The following SYMPK variants were observed in gnomAD, a reference collection of about 807,000 sequenced individuals.
SYMPK encodes the protein symplekin.
In SYMPK, 49 loss-of-function variants were observed where a neutral mutation model predicts 136.4. The ratio of observed to expected loss-of-function variants is 0.36; its 90% CI spans 0.29 to 0.46. SYMPK has a LOEUF of 0.46. Ranked by LOEUF, SYMPK falls within the 20% of genes least tolerant of loss-of-function variation. The pLI is 1.00. For missense variants in SYMPK, 1,365 were observed against 1,690.0 expected, an observed-to-expected ratio of 0.81 and a Z score of 3.37; for synonymous variants, 766 against 713.0, an observed-to-expected ratio of 1.07 and a Z score of -1.19.
Position 45,848,736 on chromosome 19 carries a change from G to A in SYMPK, c.426+14C>T. ...ATCAGGCAGGATGGCCCTGGGTGGG[G>A]AGGGCGCTCTCACCTGCAGGGCCAC... On this transcript the variant is annotated intron_variant, in intron 6 of 26. Coordinates refer to ENST00000245934, the MANE Select transcript of SYMPK (RefSeq NM_004819.3). 6.2e-7 allele frequency: 1 copy of A among 1,613,170 alleles called. No homozygotes were observed. Among genetic ancestry groups the A allele is most frequent in the South Asian group, 1.1e-5 (1 of 91,038 alleles).
chr19:45,816,675 C>G (rs991883295), intron 24 of SYMPK, 98 bp from the exon 25 acceptor site: 1 of 1,548,412 alleles, frequency 6.5e-7, no homozygotes, highest in Non-Finnish European at 8.7e-7. Context: ...CCAGAACTCC[C>G]AGCAGTGCAG....
At chr19:45,820,219 A>G (rs1386701201) in intron 22 of SYMPK, 2 of 152,274 alleles carry the variant, frequency 1.3e-5, no homozygotes, top group African/African-American at 2.4e-5. Context: ...GTATGCAAAT[A>G]ATATGAGCAT....
chr19:45,816,762 TG>T (rs1190899072), intron 24 of SYMPK, 35 bp downstream of exon 24: 5 of 1,484,970 alleles, frequency 3.4e-6, no homozygotes, highest in African/African-American at 2.9e-5. Context: ...ACACCCTGGG[TG>T]GGGGGAAAGG....
At position 45,815,915 on chromosome 19, in the gene SYMPK, T is replaced by C. The variant is rs764853848; in HGVS notation, c.3623A>G (p.Asp1208Gly). The change falls in exon 26 of 27, where the codon GAT (aspartate) becomes GGT (glycine). Residue 1208 changes from aspartate (D) to glycine (G), a missense_variant. Asp to Gly is a moderately conservative substitution (Grantham distance 94, BLOSUM62 -1). Coordinates refer to ENST00000245934, the MANE Select transcript of SYMPK (RefSeq NM_004819.3). ...CETPGIFISM[D>G]DDSGLTEAAL... ...GGCCTCGGTCAGCCCCGAGTCGTCA[T>C]CCATGCTGATGAAGATGCCCGGGGT... is the stretch of plus-strand genomic sequence containing the variant. The C allele has an allele frequency of 4.3e-6, 7 of 1,612,160 alleles. No homozygotes were observed. Among genetic ancestry groups the C allele is most frequent in the Non-Finnish European group, 5.9e-6 (7 of 1,179,870 alleles).
chr19:45,842,243 C>T lies in SYMPK; in HGVS notation c.1087+7G>A. ...TCTGCCTGCCCCACCCCACCAGCCC[C>T]TCTCACCCAGCTTCATCTTCTTGAG... On this transcript the variant is annotated splice_region_variant and intron_variant, in intron 9 of 26. Coordinates refer to ENST00000245934, the MANE Select transcript of SYMPK (RefSeq NM_004819.3). The T allele has an allele frequency of 6.2e-7, 1 of 1,614,010 alleles. No individual in the cohort carries two copies. Among genetic ancestry groups the T allele is most frequent in the Non-Finnish European group, 8.5e-7 (1 of 1,179,862 alleles).
At chr19:45,860,459 A>C (rs1336628344) in intron 1 of SYMPK, among the ~76,000 whole-genome samples, 1 of 120,314 alleles carries the variant, frequency 8.3e-6, no homozygotes, top group Non-Finnish European at 1.7e-5. Flanking sequence ...ACTGCGTTTC[A>C]AATTAAAAAA....
At chr19:45,829,950 C>T in intron 13 of SYMPK, 104 bp downstream of exon 13, 1 of 1,361,734 alleles carries the variant, frequency 7.3e-7, no homozygotes, top group Non-Finnish European at 9.9e-7. Flanking sequence ...CTGGGGTCCG[C>T]AGCCAGGGAG....
intron 7 of SYMPK, among the ~76,000 whole-genome samples, chr19:45,846,415 T>G (rs79659320): frequency 0.14 from 21,732 of 152,164 alleles, 1,630 homozygotes; most frequent in South Asian, 0.18. Flanking sequence ...AGTTAATATT[T>G]ATGGAATGTT....
intron 1 of SYMPK, 90 bp from the exon 2 acceptor site, chr19:45,854,597 C>T (rs1479593697): frequency 9.8e-7 from 1 of 1,019,502 alleles, no homozygotes; most frequent in Non-Finnish European, 1.5e-6. Flanking sequence ...TACAAAGGGC[C>T]CAAGCCTCCT....
At chr19:45,842,783 G>A (rs965827164) in intron 8 of SYMPK, 4 of 381,628 alleles carry the variant, frequency 1.0e-5, no homozygotes, top group African/African-American at 2.1e-5. Flanking sequence ...GCTTCGCTTG[G>A]GGAGGGTTAT....
At chr19:45,816,404 G>A in intron 25 of SYMPK, 78 bp downstream of exon 25, 2 of 1,517,406 alleles carry the variant, frequency 1.3e-6, no homozygotes, top group Non-Finnish European at 1.8e-6. Flanking sequence ...GTCAGGAGGA[G>A]GCCATGGTGA....
chr19:45,830,208 T>C lies in SYMPK; in HGVS notation c.1599-4A>G. 6.2e-7 allele frequency: 1 copy of C among 1,609,140 alleles called. No homozygotes were observed. The highest frequency in any genetic ancestry group is 1.1e-5 in the South Asian group (1 of 90,142). On this transcript the variant is annotated splice_region_variant and splice_polypyrimidine_tract_variant and intron_variant, in intron 12 of 26. Transcript: ENST00000245934. ...GCGCCCACCAGCGCCTGCCAGCCTG[T>C]GTGGAAGAGCAGTGACAGAGATGCA...
In SYMPK at chr19:45,846,955, G is replaced by A. The variant is rs1011087327; in HGVS notation, c.676+797C>T. The stretch of plus-strand genomic sequence containing the variant: ...ATTACAGGTGCCCGCCACCATGCCC[G>A]GCTAATTTTTGTATTTTCAGTAGAT... On this transcript the variant is annotated intron_variant, in intron 7 of 26. Transcript: ENST00000245934. 1.3e-5 allele frequency among the ~76,000 whole-genome samples: 2 copies of A among 151,728 alleles called. 1 individual carries two copies. The highest frequency in any genetic ancestry group is 1.3e-4 in the Admixed American group (2 of 15,206).
intron 24 of SYMPK, 37 bp downstream of exon 24, chr19:45,816,761 G>GT (rs1568605426): frequency 6.7e-7 from 1 of 1,500,630 alleles, no homozygotes; most frequent in Non-Finnish European, 8.9e-7. Context: ...CACACCCTGG[G>GT]TGGGGGGAAA....
Position 45,842,381 on chromosome 19 carries a change from G to A in SYMPK, c.956C>T (p.Ala319Val). 6.2e-7 allele frequency: 1 copy of A among 1,614,182 alleles called. No individual in the cohort carries two copies. The highest frequency in any genetic ancestry group is 8.5e-7 in the Non-Finnish European group (1 of 1,180,040). Residue 319 changes from alanine (A) to valine (V), a missense_variant, in exon 9 of 27, where the codon GCC becomes GTC. Around this residue, in one of 11 missense-constraint regions of SYMPK, gnomAD observed 111 missense variants for 141.2 expected, o/e 0.79. Transcript: ENST00000245934. ...LKHPASLEFQ[A>V]QITTLLVDLG... is the part of the protein sequence containing the mutation. ...GTCCACCAGCAGGGTGGTGATCTGG[G>A]CCTGGAACTCCAAGGAAGCCGGGTG...
chr19:45,862,931 G>A lies in SYMPK; in HGVS notation c.-13+127C>T, dbSNP rs913573548. ...AGCCAAGGAAGGGTCCTGAGCAAGG[G>A]AAGAAACATGGGTCGCGAAAGCCAC... On this transcript the variant is annotated intron_variant, in intron 1 of 26. Transcript: ENST00000245934. The A allele has an allele frequency of 6.8e-5, 27 of 399,660 alleles. No homozygotes were observed. The East Asian group carries it at 8.9e-4, about 13-fold the overall frequency. The allele number at this position is 399,660 out of a possible 1,614,324, so 24.8% of individuals were successfully genotyped here. A position where few individuals can be genotyped will look rare whatever the true frequency, so the allele number is the denominator to read the frequency against.
intron 16 of SYMPK, 46 bp downstream of exon 16, chr19:45,827,464 G>A: frequency 1.4e-6 from 2 of 1,466,180 alleles, no homozygotes; most frequent in Non-Finnish European, 9.5e-7. Context: ...GGCGGCCTCT[G>A]CAAGCTGCAG....
In SYMPK at chr19:45,816,803, G is replaced by C. The variant is rs1002087292; in HGVS notation, c.3253C>G (p.His1085Asp). The C allele has an allele frequency of 3.3e-6, 5 of 1,530,128 alleles. No individual in the cohort carries two copies. Among genetic ancestry groups the C allele is most frequent in the South Asian group, 1.2e-5 (1 of 82,988 alleles). 94.8% of individuals were successfully genotyped at this position (1,530,128 alleles called of 1,614,324 possible). Residue 1085 changes from histidine to aspartate, a missense_variant, in exon 24 of 27, where the codon CAC becomes GAC. Physicochemically the swap from His to Asp is moderately conservative, Grantham distance 81. This residue lies in a region of SYMPK where 341 missense variants were observed against 270.5 expected (regional missense o/e 1.26). Transcript: ENST00000245934. ...LLAHVRSFTP[H>D]QQAHIPNSIM... The stretch of plus-strand genomic sequence containing the variant: ...CTGGTGGGGGGAAGGGGTACCTGGT[G>C]GGGGGTGAAGGAGCGGACATGGGCC...
intron 1 of SYMPK, among the ~76,000 whole-genome samples, chr19:45,859,116 C>T (rs1041929245): frequency 4.6e-5 from 7 of 152,060 alleles, no homozygotes; most frequent in African/African-American, 1.7e-4. Flanking sequence ...ATTCCCAGCA[C>T]GGAAGAGTGC....
Sources: gnomAD v4.1 joint callset for allele counts (sites outside exome capture counted in the v4.1 genomes callset) on GRCh38, gnomAD v4.1.1 for gene constraint, gnomAD v4.1.1 regional missense constraint, MANE v1.5 for transcripts, NCBI Gene and HGNC (gene_info 2026-07-23, HGNC 2026-07-21) for gene names.